The following ATP10B variants were observed in gnomAD, a reference collection of about 807,000 sequenced individuals.
The protein encoded by ATP10B is ATPase phospholipid transporting 10B (putative).
Under a neutral mutation model 141.2 loss-of-function variants are expected in ATP10B, and 122 were observed. The observed-to-expected ratio is 0.86, with a 90% CI of 0.75 to 1.00. The LOEUF (loss-of-function observed/expected upper bound fraction) is 1.00. ATP10B is among the 50% of genes least tolerant of loss of function. The pLI is 0.00. For synonymous variants in ATP10B, 685 were observed against 692.0 expected (o/e 0.99, Z 0.16); for missense variants, 1,876 against 1,825.3 (o/e 1.03, Z -0.51).
chr5:160,697,591 G>A (rs1268411318), intron 3 of ATP10B, among the ~76,000 whole-genome samples: 2 of 138,338 alleles, frequency 1.4e-5, no homozygotes, highest in African/African-American at 5.2e-5. Context: ...AAGAAGAAAT[G>A]TATGCAGGGT....
chr5:160,800,417 T>G (rs570592118), intron 1 of ATP10B, among the ~76,000 whole-genome samples: 61 of 152,358 alleles, frequency 4.0e-4, no homozygotes, highest in African/African-American at 1.4e-3. Context: ...TAGCATTTAC[T>G]AAGTGCAAAG....
intron 1 of ATP10B, among the ~76,000 whole-genome samples, chr5:160,851,390 G>A (rs1753805941): frequency 6.6e-6 from 1 of 152,176 alleles, no homozygotes; most frequent in South Asian, 2.1e-4. Flanking sequence ...TTTCTGGAAG[G>A]AGTAACTCAT....
At position 160,783,562 on chromosome 5, in the gene ATP10B, TACACACACACACACACACACAC is replaced by T. The variant is rs57796332; in HGVS notation, c.-331+1975_-331+1996del. 3.7e-3 allele frequency among the ~76,000 whole-genome samples: 480 copies of T among 131,314 alleles called. 3 individuals carry two copies. The highest frequency in any genetic ancestry group is 0.013 in the African/African-American group (441 of 35,244). The allele number at this position is 131,314 out of a possible 152,430, so 86.1% of individuals were successfully genotyped here. ...TGATATATATATCATATATATATGA[TACACACACACACACACACACAC>T]ACACACACACACATACACACACACA... On this transcript the variant is annotated intron_variant, in intron 2 of 25. Transcript: ENST00000327245.
the ATP10B span, among the ~76,000 whole-genome samples, chr5:160,922,670 A>G: frequency 3.3e-5 from 5 of 152,238 alleles, no homozygotes; most frequent in Admixed American, 3.3e-4. Context: ...CCAATCTGAA[A>G]AACAAATCTG....
At chr5:160,621,127 G>T (rs1335811208) in intron 14 of ATP10B, among the ~76,000 whole-genome samples, 177 bp from the exon 15 acceptor site, 1 of 152,208 alleles carries the variant, frequency 6.6e-6, no homozygotes, top group Non-Finnish European at 1.5e-5. Context: ...TCATCCCACT[G>T]TGAGCGTGGA....
At chr5:160,657,307 A>G (rs1420658551) in intron 7 of ATP10B, among the ~76,000 whole-genome samples, 2 of 152,196 alleles carry the variant, frequency 1.3e-5, no homozygotes, top group Non-Finnish European at 1.5e-5. Flanking sequence ...TGAGAATCCT[A>G]TCTGAAAACT....
At chr5:160,575,205 A>G (rs1380079352) in intron 24 of ATP10B, among the ~76,000 whole-genome samples, 3 of 152,166 alleles carry the variant, frequency 2.0e-5, no homozygotes, top group Non-Finnish European at 2.9e-5. Flanking sequence ...TTAATTTAAC[A>G]TAGCTAAAAT....
chr5:160,892,816 G>T, the ATP10B span, among the ~76,000 whole-genome samples: 1 of 152,162 alleles, frequency 6.6e-6, no homozygotes, highest in East Asian at 1.9e-4. Context: ...TCAGAAGGTG[G>T]GTGATTTCTG....
At chr5:160,838,202 G>A (rs1303570152) in intron 1 of ATP10B, among the ~76,000 whole-genome samples, 2 of 152,114 alleles carry the variant, frequency 1.3e-5, no homozygotes, top group Non-Finnish European at 2.9e-5. Context: ...CCATTCTGTA[G>A]GTTCCTCACA....
intron 24 of ATP10B, among the ~76,000 whole-genome samples, chr5:160,585,997 C>T (rs2127606313): frequency 6.6e-6 from 1 of 152,304 alleles, no homozygotes; most frequent in East Asian, 1.9e-4. Context: ...TTCCGGGATA[C>T]ATGTACAGAA....
chr5:160,615,085 G>A (rs77343562), intron 17 of ATP10B, among the ~76,000 whole-genome samples: 1 of 152,224 alleles, frequency 6.6e-6, no homozygotes, highest in African/African-American at 2.4e-5. Flanking sequence ...TAACTTCCAT[G>A]CTGCAGCAAG....
chr5:160,651,097 A>G (rs73306645), intron 7 of ATP10B, among the ~76,000 whole-genome samples: 1,957 of 152,206 alleles, frequency 0.013, 45 homozygotes, highest in African/African-American at 0.045. Context: ...TTTATTATTT[A>G]TTTTCAAGCT....
chr5:160,815,195 T>G (rs1463977133), intron 1 of ATP10B, among the ~76,000 whole-genome samples: 1 of 152,050 alleles, frequency 6.6e-6, no homozygotes, highest in Non-Finnish European at 1.5e-5. Context: ...GACTGGCAAA[T>G]TGGATAAAGA....
chr5:160,896,344 A>G, the ATP10B span, among the ~76,000 whole-genome samples: 45 of 152,314 alleles, frequency 3.0e-4, no homozygotes, highest in Middle Eastern at 0.01. Flanking sequence ...ATACACAATA[A>G]AAAATGATAA....
At chr5:160,707,349 C>A (rs1441790364) in intron 3 of ATP10B, among the ~76,000 whole-genome samples, 1 of 152,186 alleles carries the variant, frequency 6.6e-6, no homozygotes, top group African/African-American at 2.4e-5. Flanking sequence ...AATCTAGGAC[C>A]CCCTAAGCTG....
At chr5:160,888,427 C>G in the ATP10B span, among the ~76,000 whole-genome samples, 2 of 152,236 alleles carry the variant, frequency 1.3e-5, no homozygotes, top group African/African-American at 2.4e-5. Flanking sequence ...AAGCAGCTAT[C>G]AGAAGTCTCT....
Position 160,838,153 on chromosome 5 carries a change from G to A in ATP10B, c.-576+13788C>T, listed in dbSNP as rs146645405. Among the ~76,000 whole-genome samples the A allele has an allele frequency of 3.7e-4, 57 of 152,280 alleles. No homozygotes were observed. In the East Asian group the frequency reaches 0.011, roughly 29 times the overall value. On this transcript the variant is annotated intron_variant, in intron 1 of 25. Transcript: ENST00000327245. ...CTCTCTTCTCTGCTTTATGTAGCAT[G>A]AAGTTGGAAAACTACATGGGACAGC...
chr5:160,679,050 A>G (rs933902816), intron 6 of ATP10B, among the ~76,000 whole-genome samples: 1 of 152,224 alleles, frequency 6.6e-6, no homozygotes, highest in Non-Finnish European at 1.5e-5. Flanking sequence ...GATGAAACAC[A>G]TGGGGCCCCA....
chr5:160,704,914 C>CTTTT lies in ATP10B; in HGVS notation c.-205+11991_-205+11994dup, dbSNP rs1170629163. Among the ~76,000 whole-genome samples, 409 of 83,604 alleles carry CTTTT rather than the reference C, an allele frequency of 4.9e-3. 23 individuals carry two copies. The highest frequency in any genetic ancestry group is 0.013 in the African/African-American group (229 of 17,204). The allele number at this position is 83,604 out of a possible 152,430, so 54.8% of individuals were successfully genotyped here. A position where few individuals can be genotyped will look rare whatever the true frequency, so the allele number is the denominator to read the frequency against. On this transcript the variant is annotated intron_variant, in intron 3 of 25. Transcript: ENST00000327245. ...TGCTAGCTTCCAACATTTCTTTCAT[C>CTTTT]TTTTTTTTTTTTTTTTTTTTTGTTG...
Sources: allele counts gnomAD v4.1 joint callset (sites outside exome capture counted in the v4.1 genomes callset), GRCh38; gene constraint gnomAD v4.1.1; transcripts MANE v1.5; gene names NCBI Gene and HGNC (gene_info 2026-07-23, HGNC 2026-07-21).